The following FUT1 variants were observed in gnomAD, a reference collection of about 807,000 sequenced individuals.
FUT1 encodes the protein fucosyltransferase 1 (H blood group), also known as galactoside alpha-(1,2)-fucosyltransferase 1.
For synonymous variants in FUT1, 215 were observed against 208.7 expected, an observed-to-expected ratio of 1.03 and a Z score of -0.26; for missense variants, 476 against 492.7, an observed-to-expected ratio of 0.97 and a Z score of 0.32.
rs1568491448 is a variant in FUT1 at position 48,752,491 on chromosome 19, C to T, written c.-4G>A. The T allele has an allele frequency of 1.0e-6, 1 of 985,286 alleles. No individual in the cohort carries two copies. The highest frequency in any genetic ancestry group is 1.2e-6 in the Non-Finnish European group (1 of 829,922). 61.0% of individuals were successfully genotyped at this position (985,286 alleles called of 1,614,324 possible). A position where few individuals can be genotyped will look rare whatever the true frequency, so the allele number is the denominator to read the frequency against. ...CTGAGTGGGGCAGTCCCCACTTACC[C>T]GAGCTGCTTGCAGGTGGCAGATCCA... On this transcript the variant is annotated splice_region_variant and 5_prime_UTR_variant, in exon 1 of 2. Transcript: ENST00000645652. This position sits in a 1 kb window ranked among gnomAD's most constrained non-coding sequence, Gnocchi z 4.3.
intron 1 of FUT1, 58 bp from the exon 2 acceptor site, chr19:48,751,341 G>T: frequency 6.3e-7 from 1 of 1,586,046 alleles, no homozygotes. Flanking sequence ...GGGAGGCTGA[G>T]GAGGGATGTG....
Position 48,750,628 on chromosome 19 carries a change from G to T in FUT1, c.654C>A (p.His218Gln). The change falls in exon 2 of 2, where the codon CAC becomes CAA. Residue 218 changes from histidine to glutamine, a missense_variant. By Grantham distance (24) the His-to-Gln change is conservative. Transcript: ENST00000645652. ...GDRPRTFVGV[H>Q]VRRGDYLQVM... is the part of the protein sequence containing the mutation. ...CCTGCAGATAGTCCCCACGGCGCAC[G>T]TGGACGCCGACAAAGGTGCGCGGGC... 6.2e-7 allele frequency: 1 copy of T among 1,611,758 alleles called. No homozygotes were observed. Among genetic ancestry groups the T allele is most frequent in the Non-Finnish European group, 8.5e-7 (1 of 1,179,946 alleles).
chr19:48,750,897 G>A lies in FUT1; in HGVS notation c.385C>T (p.Pro129Ser). The change falls in exon 2 of 2, where the codon CCC becomes TCC. Residue 129 changes from proline (P) to serine (S), a missense_variant. By Grantham distance (74) the Pro-to-Ser change is moderately conservative (BLOSUM62 -1). Transcript: ENST00000645652. ...ALAPVFRITL[P>S]VLAPEVDSRT... Reference sequence around the variant, plus strand: ...CTGTCCACTTCTGGGGCCAGCACGGGCAGGGTGATGCGGAATACCGGGGCC... The same window carrying A: ...CTGTCCACTTCTGGGGCCAGCACGGACAGGGTGATGCGGAATACCGGGGCC... 1 of 1,613,456 alleles carries A rather than the reference G, an allele frequency of 6.2e-7. No homozygotes were observed. The highest frequency in any genetic ancestry group is 8.5e-7 in the Non-Finnish European group (1 of 1,179,692).
chr19:48,754,963 CG>C (rs2034065644), upstream of FUT1, among the ~76,000 whole-genome samples: 1 of 151,626 alleles, frequency 6.6e-6, no homozygotes, highest in African/African-American at 2.4e-5. Context: ...TCCAGGCTCC[CG>C]GCCCCTCCTT....
At chr19:48,751,508 G>C (rs879159762) in intron 1 of FUT1, among the ~76,000 whole-genome samples, 1 of 152,106 alleles carries the variant, frequency 6.6e-6, no homozygotes, top group African/African-American at 2.4e-5. Context: ...GAAGACAAGT[G>C]GTTTTCAAGA....
Position 48,750,862 on chromosome 19 carries a change from C to T in FUT1, c.420G>A (p.Pro140=), listed in dbSNP as rs1411517606. The T allele has an allele frequency of 1.9e-6, 3 of 1,613,728 alleles. No homozygotes were observed. The highest frequency in any genetic ancestry group is 1.7e-5 in the Admixed American group (1 of 60,016). Residue 140 remains proline (P), a synonymous_variant, in exon 2 of 2, where the codon CCG becomes CCA. Coordinates refer to ENST00000645652, the MANE Select transcript of FUT1 (RefSeq NM_001384359.1). ...VLAPEVDSRT[P]WRELQLHDWM... ...AGTCGTGAAGCTGCAGCTCCCGCCA[C>T]GGCGTGCGGCTGTCCACTTCTGGGG...
In FUT1 at chr19:48,749,631, A is replaced by T. The variant is rs1211910375; in HGVS notation, c.*553T>A. Reference sequence around the variant, plus strand: ...CCTGTCTCCAAAAAAAAAAAAAAAAAACTAAAAAGATTCTTCACCTTAGTT... The same window carrying T: ...CCTGTCTCCAAAAAAAAAAAAAAAATACTAAAAAGATTCTTCACCTTAGTT... On this transcript the variant is annotated 3_prime_UTR_variant, in exon 2 of 2. Coordinates refer to ENST00000645652, the MANE Select transcript of FUT1 (RefSeq NM_001384359.1). The T allele has an allele frequency of 6.6e-6, 1 of 151,054 alleles. No homozygotes were observed. Among genetic ancestry groups the T allele is most frequent in the African/African-American group, 2.5e-5 (1 of 39,622 alleles). The allele number at this position is 151,054 out of a possible 1,614,324, so 9.4% of individuals were successfully genotyped here. A position where few individuals can be genotyped will look rare whatever the true frequency, so the allele number is the denominator to read the frequency against.
Position 48,752,637 on chromosome 19 carries a change from G to C in FUT1, c.-150C>G. 1.0e-6 allele frequency: 1 copy of C among 985,414 alleles called. No homozygotes were observed. Among genetic ancestry groups the C allele is most frequent in the East Asian group, 1.1e-4 (1 of 8,814 alleles). The allele number at this position is 985,414 out of a possible 1,614,324, so 61.0% of individuals were successfully genotyped here. A position where few individuals can be genotyped will look rare whatever the true frequency, so the allele number is the denominator to read the frequency against. On this transcript the variant is annotated 5_prime_UTR_variant, in exon 1 of 2. Coordinates refer to ENST00000645652, the MANE Select transcript of FUT1 (RefSeq NM_001384359.1). The surrounding 1 kb of genome is among the most constrained non-coding windows in gnomAD (Gnocchi z 4.3). ...GCCCTCCCCTCCGCGCAGCCTGTCC[G>C]GACTGGCAGCGAGGGCTTGGGGAGG...
chr19:48,750,071 G>C lies in FUT1; in HGVS notation c.*113C>G. ...CCAACTAGAATCACTCTGGATACGG[G>C]CACCCATTTGCTTCAGGAACACCAC... On this transcript the variant is annotated 3_prime_UTR_variant, in exon 2 of 2. Transcript: ENST00000645652. The C allele has an allele frequency of 8.0e-7, 1 of 1,247,296 alleles. No individual in the cohort carries two copies. Among genetic ancestry groups the C allele is most frequent in the Non-Finnish European group, 1.1e-6 (1 of 884,654 alleles). The allele number at this position is 1,247,296 out of a possible 1,614,324, so 77.3% of individuals were successfully genotyped here.
upstream of FUT1, chr19:48,752,851 C>T (rs1252377036): frequency 9.1e-6 from 9 of 985,450 alleles, no homozygotes; most frequent in African/African-American, 1.4e-4. The surrounding 1 kb of genome is among the most constrained non-coding windows in gnomAD (Gnocchi z 4.3). Context: ...CCCTCCGCCC[C>T]GTCATTGACC....
chr19:48,750,045 C>A lies in FUT1; in HGVS notation c.*139G>T. Reference sequence around the variant, plus strand: ...AAACGTCCCCCTTCTCTCCAACTCTCCCAACTAGAATCACTCTGGATACGG... The same window carrying A: ...AAACGTCCCCCTTCTCTCCAACTCTACCAACTAGAATCACTCTGGATACGG... On this transcript the variant is annotated 3_prime_UTR_variant, in exon 2 of 2. Transcript: ENST00000645652. The A allele has an allele frequency of 9.8e-7, 1 of 1,015,900 alleles. No homozygotes were observed. Among genetic ancestry groups the A allele is most frequent in the Non-Finnish European group, 1.5e-6 (1 of 685,000 alleles). 62.9% of individuals were successfully genotyped at this position (1,015,900 alleles called of 1,614,324 possible). A position where few individuals can be genotyped will look rare whatever the true frequency, so the allele number is the denominator to read the frequency against.
chr19:48,753,071 C>T (rs1253034876), upstream of FUT1: 1 of 199,988 alleles, frequency 5.0e-6, no homozygotes, highest in African/African-American at 2.4e-5. Context: ...GGCAGGGCCC[C>T]CGCACCTGGT....
At chr19:48,754,200 A>T (rs1428280861), upstream of FUT1, among the ~76,000 whole-genome samples, 1 of 151,960 alleles carries the variant, frequency 6.6e-6, no homozygotes, top group African/African-American at 2.4e-5. Flanking sequence ...AAAAAAAAAA[A>T]AAGGCTTTCA....
rs71179040 is a variant in FUT1, at chr19:48,752,109, T to TAA, written c.-3+379_-3+380dup. 6.7e-4 allele frequency among the ~76,000 whole-genome samples: 67 copies of TAA among 100,158 alleles called. 1 individual carries two copies. The highest frequency in any genetic ancestry group is 2.0e-3 in the East Asian group (6 of 3,054). The allele number at this position is 100,158 out of a possible 152,430, so 65.7% of individuals were successfully genotyped here. A position where few individuals can be genotyped will look rare whatever the true frequency, so the allele number is the denominator to read the frequency against. Reference sequence around the variant, plus strand: ...TGCGCGACAGAGAGGGACCCTGTCTTAAAAAAAAAAAAAAAAAAAAAAAAA... The same window carrying TAA: ...TGCGCGACAGAGAGGGACCCTGTCTTAAAAAAAAAAAAAAAAAAAAAAAAAAA... On this transcript the variant is annotated intron_variant, in intron 1 of 1. Transcript: ENST00000645652. The surrounding 1 kb of genome is among the most constrained non-coding windows in gnomAD (Gnocchi z 4.3).
At position 48,750,850 on chromosome 19, in the gene FUT1, C is replaced by T. The variant is rs1568490725; in HGVS notation, c.432G>A (p.Leu144=). Residue 144 remains leucine (L), a synonymous_variant, in exon 2 of 2, where the codon CTG becomes CTA. Transcript: ENST00000645652. The stretch of plus-strand genomic sequence containing the variant: ...CCTCCGACATCCAGTCGTGAAGCTG[C>T]AGCTCCCGCCACGGCGTGCGGCTGT... The part of the protein sequence containing the change: ...EVDSRTPWRE[L]QLHDWMSEEY... 1.2e-6 allele frequency: 2 copies of T among 1,613,584 alleles called. No individual in the cohort carries two copies. The highest frequency in any genetic ancestry group is 2.2e-5 in the East Asian group (1 of 44,886).
At chr19:48,752,920 G>A, upstream of FUT1, 1 of 984,884 alleles carries the variant, frequency 1.0e-6, no homozygotes, top group Non-Finnish European at 1.2e-6. The surrounding 1 kb of genome is among the most constrained non-coding windows in gnomAD (Gnocchi z 4.3). Flanking sequence ...CAGCATCATT[G>A]CGTGGACCAG....
chr19:48,750,027 C>T lies in FUT1; in HGVS notation c.*157G>A, dbSNP rs1209440162. The T allele has an allele frequency of 7.1e-6, 6 of 846,594 alleles. No individual in the cohort carries two copies. The highest frequency in any genetic ancestry group is 1.1e-5 in the Non-Finnish European group (6 of 541,746). 52.4% of individuals were successfully genotyped at this position (846,594 alleles called of 1,614,324 possible). On this transcript the variant is annotated 3_prime_UTR_variant, in exon 2 of 2. Transcript: ENST00000645652. ...ATATTCAGACAGTTCCAGAAACGTC[C>T]CCCTTCTCTCCAACTCTCCCAACTA...
upstream of FUT1, among the ~76,000 whole-genome samples, chr19:48,754,813 A>T (rs1363211002): frequency 6.6e-6 from 1 of 152,122 alleles, no homozygotes; most frequent in African/African-American, 2.4e-5. Flanking sequence ...AGATACATCA[A>T]TGTCAAAGAC....
Position 48,750,725 on chromosome 19 carries a change from G to T in FUT1, c.557C>A (p.Thr186Asn). ...CTCTTCCCGAAGGTGGTCGTGCAGG[G>T]TGAACTCTCTGCGGATCTGTTCCCG... is the stretch of plus-strand genomic sequence containing the variant. The part of the protein sequence containing the change: ...HLREQIRREF[T>N]LHDHLREEAQ... Residue 186 changes from threonine (T) to asparagine (N), a missense_variant, in exon 2 of 2, where the codon ACC becomes AAC. Physicochemically the swap from Thr to Asn is moderately conservative, Grantham distance 65 (BLOSUM62 0). Coordinates refer to ENST00000645652, the MANE Select transcript of FUT1 (RefSeq NM_001384359.1). 1.2e-6 allele frequency: 2 copies of T among 1,613,638 alleles called. No homozygotes were observed. Among genetic ancestry groups the T allele is most frequent in the Non-Finnish European group, 1.7e-6 (2 of 1,179,992 alleles).
Sources: allele counts gnomAD v4.1 joint callset (sites outside exome capture counted in the v4.1 genomes callset), GRCh38; gene constraint gnomAD v4.1.1; non-coding constraint Gnocchi (gnomAD v3.1); transcripts MANE v1.5; gene names NCBI Gene and HGNC (gene_info 2026-07-23, HGNC 2026-07-21).